STAG2: variants seen among roughly 807,000 people sequenced by gnomAD.
STAG2 encodes STAG2 cohesin complex component, also known as cohesin subunit SA-2.
STAG2 carries 14 observed loss-of-function variants against 108.1 expected under a neutral mutation model. The observed-to-expected ratio is 0.13, with a 90% CI of 0.09 to 0.20. STAG2 has a LOEUF of 0.20. Ranked by LOEUF, STAG2 falls within the 10% of genes least tolerant of loss-of-function variation. STAG2 has a pLI of 1.00. For missense variants in STAG2, 440 were observed against 940.9 expected (o/e 0.47, Z 6.96); for synonymous variants, 307 against 302.7 (o/e 1.01, Z -0.15).
intron 32 of STAG2, among the ~76,000 whole-genome samples, chrX:124,093,552 C>T (rs889041116): frequency 2.1e-4 from 22 of 105,265 alleles, no homozygotes; most frequent in South Asian, 4.3e-4. Flanking sequence ...AGTGAGTGCG[C>T]GCATGCCTGG....
Position 124,037,577 on chromosome X carries a change from A to G in STAG2, c.339A>G (p.Ala113=), listed in dbSNP as rs1041356427. 38 of 1,189,725 alleles carry G rather than the reference A, an allele frequency of 3.2e-5. No homozygotes were observed. Among genetic ancestry groups the G allele is most frequent in the Non-Finnish European group, 4.3e-5 (38 of 882,754 alleles). The part of the protein sequence containing the change: ...IESYKHDRDI[A]LLDLINFFIQ... Reference sequence around the variant, plus strand: ...CATACAAGCATGACCGAGATATAGCACTTCTTGACCTTATCAACTTTTTTA... The same window carrying G: ...CATACAAGCATGACCGAGATATAGCGCTTCTTGACCTTATCAACTTTTTTA... Residue 113 remains alanine, a synonymous_variant, in exon 6 of 35, where the codon GCA becomes GCG. Coordinates refer to ENST00000371145, the MANE Select transcript of STAG2 (RefSeq NM_001042750.2).
intron 27 of STAG2, 104 bp from the exon 28 acceptor site, chrX:124,081,276 C>A: frequency 1.9e-6 from 1 of 525,297 alleles, no homozygotes; most frequent in South Asian, 5.1e-5. Flanking sequence ...AATACAGTGC[C>A]TCATTTATTG....
At chrX:124,052,500 C>T (rs1416179954) in intron 13 of STAG2, among the ~76,000 whole-genome samples, 2 of 112,480 alleles carry the variant, frequency 1.8e-5, no homozygotes, top group Non-Finnish European at 3.8e-5. Flanking sequence ...TATTATAGCA[C>T]GTACTCCTGT....
intron 1 of STAG2, among the ~76,000 whole-genome samples, chrX:124,010,054 C>A (rs1335034054): frequency 9.0e-6 from 1 of 111,045 alleles, no homozygotes; most frequent in African/African-American, 3.3e-5. Flanking sequence ...CTTAAATGAT[C>A]GATGATTTAA....
chrX:123,993,522 T>C (rs1273094698), intron 1 of STAG2, among the ~76,000 whole-genome samples: 1 of 110,829 alleles, frequency 9.0e-6, no homozygotes, highest in Non-Finnish European at 1.9e-5. Flanking sequence ...AAATGCATCA[T>C]TGAGCTGTGG....
At chrX:124,092,842 C>T (rs985166233) in intron 32 of STAG2, among the ~76,000 whole-genome samples, 9 of 112,220 alleles carry the variant, frequency 8.0e-5, no homozygotes, top group East Asian at 2.8e-4. Context: ...ATTCCCTTCA[C>T]GGTTGCCTCT....
intron 32 of STAG2, among the ~76,000 whole-genome samples, chrX:124,092,331 C>G (rs990644555): frequency 8.1e-5 from 9 of 111,485 alleles, no homozygotes; most frequent in African/African-American, 2.9e-4. Context: ...CCCCTTTTGT[C>G]TGTTTCTGTG....
In STAG2 at chrX:124,101,228, T is replaced by A. The variant is rs1361807956; in HGVS notation, c.*631T>A. 6.6e-6 allele frequency: 1 copy of A among 150,730 alleles called. No individual in the cohort carries two copies. The highest frequency in any genetic ancestry group is 3.1e-5 in the African/African-American group (1 of 32,625). 12.4% of individuals were successfully genotyped at this position (150,730 alleles called of 1,213,427 possible). ...TTAAAATCCAAGAGCTTCTCTATAC[T>A]TTTCAGAAATATCCAGATGCAGTGA... On this transcript the variant is annotated 3_prime_UTR_variant, in exon 35 of 35. Transcript: ENST00000371145.
chrX:124,039,711 A>G (rs2057646511), intron 6 of STAG2, among the ~76,000 whole-genome samples: 1 of 106,092 alleles, frequency 9.4e-6, no homozygotes, highest in Non-Finnish European at 1.9e-5. Context: ...GCTGGTCTCA[A>G]TCTCCTAGCC....
At chrX:123,969,390 C>T (rs2054247346) in intron 1 of STAG2, among the ~76,000 whole-genome samples, 1 of 111,229 alleles carries the variant, frequency 9.0e-6, no homozygotes, top group Non-Finnish European at 1.9e-5. Flanking sequence ...TGGTTAGATT[C>T]GAAGTAAAAA....
intron 25 of STAG2, among the ~76,000 whole-genome samples, chrX:124,072,155 G>C (rs920276796): frequency 1.8e-5 from 2 of 111,346 alleles, no homozygotes; most frequent in South Asian, 7.6e-4. Context: ...AGGACTACAG[G>C]TGGTGTGCCA....
intron 23 of STAG2, 35 bp from the exon 24 acceptor site, chrX:124,068,529 A>G (rs1170873895): frequency 2.8e-5 from 28 of 995,688 alleles, no homozygotes; most frequent in Non-Finnish European, 3.7e-5. Context: ...TGTTTATACA[A>G]TATTTTTTAA....
At chrX:124,037,445 A>G in intron 5 of STAG2, 82 bp from the exon 6 acceptor site, 1 of 528,992 alleles carries the variant, frequency 1.9e-6, no homozygotes, top group South Asian at 4.3e-5. Flanking sequence ...TATAATCTTG[A>G]ATTTTATGAC....
chrX:124,093,660 GGTCTCT>G (rs2059311946), intron 32 of STAG2, among the ~76,000 whole-genome samples: 1 of 108,842 alleles, frequency 9.2e-6, no homozygotes, highest in South Asian at 3.9e-4. Flanking sequence ...TCATTTTTTT[GGTCTCT>G]GTTTTATGTT....
chrX:124,006,749 T>G (rs1056767392), intron 1 of STAG2, among the ~76,000 whole-genome samples: 16 of 111,648 alleles, frequency 1.4e-4, no homozygotes, highest in Admixed American at 3.8e-4. Context: ...TGTCACTATT[T>G]TTTTATTTTG....
At chrX:124,018,265 T>A (rs754266996) in intron 1 of STAG2, among the ~76,000 whole-genome samples, 1 of 112,613 alleles carries the variant, frequency 8.9e-6, no homozygotes, top group Non-Finnish European at 1.9e-5. Context: ...GCATATTTTT[T>A]AAAAAGTTAA....
chrX:124,072,691 G>GTTTGT (rs373365744), intron 25 of STAG2, among the ~76,000 whole-genome samples: 23 of 104,239 alleles, frequency 2.2e-4, no homozygotes, highest in African/African-American at 7.4e-4. Context: ...TGTTGTTGTT[G>GTTTGT]TTGTTTGTTT....
At chrX:124,066,738 A>T (rs2058540840) in intron 23 of STAG2, among the ~76,000 whole-genome samples, 1 of 111,978 alleles carries the variant, frequency 8.9e-6, no homozygotes, top group Non-Finnish European at 1.9e-5. Flanking sequence ...ACATAAATTG[A>T]AGATAATAAA....
intron 8 of STAG2, among the ~76,000 whole-genome samples, chrX:124,046,921 C>A (rs1374073815): frequency 9.0e-6 from 1 of 111,530 alleles, no homozygotes; most frequent in Non-Finnish European, 1.9e-5. Flanking sequence ...TACTGAATAG[C>A]TAAATAACTT....
Sources: allele counts gnomAD v4.1 joint callset (sites outside exome capture counted in the v4.1 genomes callset), GRCh38; gene constraint gnomAD v4.1.1; transcripts MANE v1.5; gene names NCBI Gene and HGNC (gene_info 2026-07-23, HGNC 2026-07-21).